CFAP61: variants seen among roughly 807,000 people sequenced by gnomAD.
CFAP61 encodes cilia- and flagella-associated protein 61.
In CFAP61, 107 loss-of-function variants were observed where a neutral mutation model predicts 135.6. That is an observed-to-expected ratio of 0.79 (90% CI 0.67 to 0.93). The LOEUF is 0.93. CFAP61 is among the 40% of genes least tolerant of loss of function. The probability of loss-of-function intolerance (pLI) is 0.00; values close to 1 mark genes in which losing one functional copy is unlikely to be tolerated. For missense variants in CFAP61, 1,507 were observed against 1,556.2 expected (o/e 0.97, Z 0.53); for synonymous variants, 575 against 578.5 (o/e 0.99, Z 0.09).
intron 13 of CFAP61, among the ~76,000 whole-genome samples, chr20:20,169,781 A>G (rs2054092661): frequency 6.9e-6 from 1 of 144,408 alleles, no homozygotes; most frequent in Non-Finnish European, 1.5e-5. Flanking sequence ...AGATCTTTGT[A>G]TGTGAGTGTG....
chr20:20,067,993 T>C (rs2045425408), intron 2 of CFAP61, among the ~76,000 whole-genome samples: 1 of 152,066 alleles, frequency 6.6e-6, no homozygotes, highest in African/African-American at 2.4e-5. Context: ...AACAAAGTAA[T>C]TCATGGCTGG....
At chr20:20,092,889 A>G (rs1036682125) in intron 7 of CFAP61, among the ~76,000 whole-genome samples, 8 of 152,234 alleles carry the variant, frequency 5.3e-5, no homozygotes, top group Non-Finnish European at 1.2e-4. Context: ...CATTGCTGGT[A>G]GGAATATAAA....
intron 21 of CFAP61, among the ~76,000 whole-genome samples, chr20:20,264,275 T>C (rs2052519716): frequency 6.6e-6 from 1 of 152,164 alleles, no homozygotes; most frequent in Non-Finnish European, 1.5e-5. Context: ...AAGGGTATGC[T>C]AGTCTCACAA....
At chr20:20,313,544 A>T (rs1344157667) in intron 25 of CFAP61, among the ~76,000 whole-genome samples, 14 of 152,190 alleles carry the variant, frequency 9.2e-5, no homozygotes, top group Non-Finnish European at 1.5e-5. Context: ...TGTAGCAGTG[A>T]TGGGAATGGC....
rs548173075 is a variant in CFAP61 at position 20,343,104 on chromosome 20, G to A, written c.3513+1183G>A. 3.9e-4 allele frequency among the ~76,000 whole-genome samples: 60 copies of A among 152,252 alleles called. 1 individual carries two copies. Among genetic ancestry groups the A allele is most frequent in the Admixed American group, 1.6e-3 (24 of 15,290 alleles). On this transcript the variant is annotated intron_variant, in intron 26 of 26. Coordinates refer to ENST00000245957, the MANE Select transcript of CFAP61 (RefSeq NM_015585.4). ...ACTCCTGACCTCAGGTGATCCGCCC[G>A]CCTCGGCCTCCCAAAATGCTGGGAT...
At chr20:20,195,325 G>C (rs2056210794) in intron 15 of CFAP61, among the ~76,000 whole-genome samples, 1 of 152,174 alleles carries the variant, frequency 6.6e-6, no homozygotes, top group Admixed American at 6.5e-5. Flanking sequence ...CTTGAAAGTA[G>C]GCTTTTAAAA....
chr20:20,355,883 G>A (rs200485533), intron 26 of CFAP61, among the ~76,000 whole-genome samples: 14 of 147,366 alleles, frequency 9.5e-5, no homozygotes, highest in East Asian at 9.0e-4. Flanking sequence ...TGTGAGGGGA[G>A]GTGGTCACAC....
chr20:20,271,853 A>C (rs2147032047), intron 21 of CFAP61, among the ~76,000 whole-genome samples: 1 of 152,316 alleles, frequency 6.6e-6, no homozygotes, highest in African/African-American at 2.4e-5. Context: ...CTCATCTGTT[A>C]GGTAAGCTGA....
At chr20:20,200,643 A>G (rs1387599846) in intron 17 of CFAP61, 2 of 973,850 alleles carry the variant, frequency 2.1e-6, no homozygotes, top group Non-Finnish European at 2.4e-6. Context: ...GTAAAAAAAA[A>G]AAAAATCCCT....
intron 20 of CFAP61, chr20:20,258,493 T>A (rs1414815286): frequency 1.3e-5 from 2 of 152,146 alleles, no homozygotes; most frequent in Non-Finnish European, 2.9e-5. Flanking sequence ...TCACTCCAGA[T>A]GCGCAGCCAG....
intron 21 of CFAP61, among the ~76,000 whole-genome samples, chr20:20,273,836 C>G (rs901956960): frequency 2.0e-5 from 3 of 152,244 alleles, no homozygotes; most frequent in Non-Finnish European, 4.4e-5. Flanking sequence ...CCTCACCTGC[C>G]TGGAGGCTGG....
chr20:20,301,168 A>G (rs1052883959), intron 25 of CFAP61, among the ~76,000 whole-genome samples: 3 of 152,136 alleles, frequency 2.0e-5, no homozygotes, highest in Non-Finnish European at 4.4e-5. Flanking sequence ...CCAGTCCTGT[A>G]AGCTCCATTC....
rs928899991 is a variant in CFAP61, at chr20:20,201,865, G to A, written c.1932+1963G>A. Among the ~76,000 whole-genome samples the A allele has an allele frequency of 4.9e-4, 74 of 152,292 alleles. 1 individual carries two copies. The highest frequency in any genetic ancestry group is 1.8e-4 in the Non-Finnish European group (12 of 68,028). On this transcript the variant is annotated intron_variant, in intron 17 of 26. Coordinates refer to ENST00000245957, the MANE Select transcript of CFAP61 (RefSeq NM_015585.4). ...CTCCTGCACCTTCAGCCAGCCCTCT[G>A]GCAGCGTGGGTGGCCTGGCTGGAGC...
intron 9 of CFAP61, among the ~76,000 whole-genome samples, chr20:20,153,288 C>A (rs926053648): frequency 6.6e-6 from 1 of 152,050 alleles, no homozygotes; most frequent in Non-Finnish European, 1.5e-5. Flanking sequence ...CACAGATAGA[C>A]AGTCTAAGGT....
intron 21 of CFAP61, among the ~76,000 whole-genome samples, chr20:20,271,283 A>T (rs936717316): frequency 3.3e-5 from 5 of 152,128 alleles, no homozygotes; most frequent in Non-Finnish European, 7.4e-5. Flanking sequence ...TGACAGCAAG[A>T]CCCCATCTTA....
At chr20:20,153,378 G>A (rs1372577767) in intron 9 of CFAP61, among the ~76,000 whole-genome samples, 1 of 151,798 alleles carries the variant, frequency 6.6e-6, no homozygotes, top group Non-Finnish European at 1.5e-5. Context: ...GATCAGAACA[G>A]GACTAAATGA....
At chr20:20,301,094 A>G (rs919839028) in intron 25 of CFAP61, among the ~76,000 whole-genome samples, 5 of 152,208 alleles carry the variant, frequency 3.3e-5, no homozygotes, top group African/African-American at 1.2e-4. Flanking sequence ...TCGGTATTGT[A>G]TGATAATGTC....
At chr20:20,233,529 C>T (rs2049329087) in intron 18 of CFAP61, among the ~76,000 whole-genome samples, 1 of 152,146 alleles carries the variant, frequency 6.6e-6, no homozygotes. Flanking sequence ...GCATACGGGA[C>T]ATCAGTTCTG....
intron 25 of CFAP61, among the ~76,000 whole-genome samples, chr20:20,338,487 TC>T (rs147515907): frequency 0.035 from 5,383 of 152,292 alleles, 134 homozygotes; most frequent in Non-Finnish European, 0.051. Context: ...ATATGTTTCT[TC>T]CCTGCCACCC....
Sources: allele counts gnomAD v4.1 joint callset (sites outside exome capture counted in the v4.1 genomes callset), GRCh38; gene constraint gnomAD v4.1.1; transcripts MANE v1.5; gene names NCBI Gene and HGNC (gene_info 2026-07-23, HGNC 2026-07-21).